Variants in PBX1 observed in about 807,000 individuals in gnomAD.
PBX1 encodes PBX homeobox 1, also known as pre-B-cell leukemia transcription factor 1.
Under a neutral mutation model 53.4 loss-of-function variants are expected in PBX1, and 6 were observed. The ratio of observed to expected loss-of-function variants is 0.11; its 90% CI spans 0.06 to 0.22. PBX1 has a LOEUF of 0.22. Ranked by LOEUF, PBX1 falls within the 10% of genes least tolerant of loss-of-function variation. The pLI, the probability that PBX1 is intolerant of heterozygous loss-of-function variation, is 1.00. For synonymous variants in PBX1, 204 were observed against 212.3 expected (o/e 0.96, Z 0.34); for missense variants, 251 against 551.4 (o/e 0.46, Z 5.46).
At chr1:164,580,074 A>G (rs1442840726) in intron 2 of PBX1, among the ~76,000 whole-genome samples, 1 of 152,172 alleles carries the variant, frequency 6.6e-6, no homozygotes, top group Admixed American at 6.5e-5. Flanking sequence ...TTCCAAGGAA[A>G]TCCAGTGGAA....
At chr1:164,737,571 C>T (rs995857160) in intron 2 of PBX1, among the ~76,000 whole-genome samples, 11 of 151,922 alleles carry the variant, frequency 7.2e-5, no homozygotes, top group East Asian at 1.9e-4. Context: ...CTCTGCCTTC[C>T]GGGTTCAAGA....
rs540502244 is a variant in PBX1, at chr1:164,649,412, G to C, written c.265+86101G>C. Among the ~76,000 whole-genome samples the C allele has an allele frequency of 2.0e-5, 3 of 152,254 alleles. No homozygotes were observed. In the East Asian group the frequency reaches 5.8e-4, roughly 29 times the overall value. ...ATTTTCGAATGTAGAGAATACTTTT[G>C]TTGGGAGTCTCTAAACCTTAAACCC... On this transcript the variant is annotated intron_variant, in intron 2 of 8. Transcript: ENST00000420696.
chr1:164,761,366 C>A (rs542750122), intron 2 of PBX1, among the ~76,000 whole-genome samples: 1 of 152,152 alleles, frequency 6.6e-6, no homozygotes, highest in Non-Finnish European at 1.5e-5. Context: ...TGTGTACACA[C>A]ATGCCAAAAG....
At position 164,851,111 on chromosome 1, in the gene PBX1, G is replaced by T. The variant is rs1230947481; in HGVS notation, c.*4435G>T. The T allele has an allele frequency of 4.5e-6, 1 of 221,660 alleles. No individual in the cohort carries two copies. Among genetic ancestry groups the T allele is most frequent in the African/African-American group, 2.2e-5 (1 of 44,684 alleles). 13.7% of individuals were successfully genotyped at this position (221,660 alleles called of 1,614,324 possible). ...TGTAGTTTTAATGCTAAGAGGTTACGTTTACTTCACAGAGTACACCTCTTA... is the reference window on the plus strand; with the variant it reads ...TGTAGTTTTAATGCTAAGAGGTTACTTTTACTTCACAGAGTACACCTCTTA... On this transcript the variant is annotated 3_prime_UTR_variant, in exon 9 of 9. Coordinates refer to ENST00000420696, the MANE Select transcript of PBX1 (RefSeq NM_002585.4).
intron 2 of PBX1, among the ~76,000 whole-genome samples, chr1:164,681,686 G>A (rs759466570): frequency 1.3e-5 from 2 of 152,158 alleles, no homozygotes; most frequent in African/African-American, 4.8e-5. Context: ...AGAGTGGAGC[G>A]TGGAAGAGGA....
chr1:164,700,781 A>G (rs1663073369), intron 2 of PBX1: 2 of 965,274 alleles, frequency 2.1e-6, no homozygotes, highest in Non-Finnish European at 2.5e-6. Flanking sequence ...TTGGGTTTCT[A>G]TGACTTTTTT....
At chr1:164,749,938 A>G (rs904204671) in intron 2 of PBX1, among the ~76,000 whole-genome samples, 6 of 152,116 alleles carry the variant, frequency 3.9e-5, no homozygotes, top group African/African-American at 1.4e-4. Flanking sequence ...TGTCTCTACA[A>G]AAATAAAGTA....
intron 2 of PBX1, among the ~76,000 whole-genome samples, chr1:164,869,893 A>C (rs1028261151): frequency 3.3e-5 from 5 of 152,166 alleles, no homozygotes; most frequent in Admixed American, 3.3e-4. Context: ...AGCACATTCA[A>C]AGGTCCTGGG....
intron 2 of PBX1, among the ~76,000 whole-genome samples, chr1:164,746,533 C>T (rs758699572): frequency 2.0e-5 from 3 of 152,076 alleles, no homozygotes; most frequent in Non-Finnish European, 4.4e-5. Flanking sequence ...TGTGCCACCA[C>T]GCCCGGCTAA....
intron 2 of PBX1, among the ~76,000 whole-genome samples, chr1:164,874,889 G>A (rs2102458653): frequency 6.6e-6 from 1 of 152,260 alleles, no homozygotes; most frequent in South Asian, 2.1e-4. Flanking sequence ...ATTGTAGGTA[G>A]GAAAATGACG....
intron 2 of PBX1, among the ~76,000 whole-genome samples, chr1:164,606,465 G>A (rs1054474953): frequency 1.3e-5 from 2 of 152,152 alleles, no homozygotes; most frequent in African/African-American, 4.8e-5. Flanking sequence ...CCTGGGAGGC[G>A]GAGGTTGCAG....
intron 2 of PBX1, among the ~76,000 whole-genome samples, chr1:164,579,956 T>C (rs1048941182): frequency 1.3e-5 from 2 of 152,176 alleles, no homozygotes; most frequent in Admixed American, 6.5e-5. Context: ...ACATAGCTAA[T>C]GAGAGAGAGG....
intron 2 of PBX1, among the ~76,000 whole-genome samples, chr1:164,745,157 G>A (rs1665827310): frequency 1.3e-5 from 2 of 152,066 alleles, no homozygotes; most frequent in Non-Finnish European, 2.9e-5. Flanking sequence ...GCCTCTCCAA[G>A]GAAAAATAGC....
At chr1:164,661,150 A>G (rs1660464106) in intron 2 of PBX1, among the ~76,000 whole-genome samples, 1 of 152,222 alleles carries the variant, frequency 6.6e-6, no homozygotes, top group Admixed American at 6.5e-5. Context: ...ACTCTTCTTT[A>G]TTTGACTGTG....
intron 1 of PBX1, chr1:164,560,487 C>T (rs1652959200): frequency 6.9e-6 from 2 of 291,414 alleles, no homozygotes; most frequent in Admixed American, 1.0e-4. Context: ...TTACCTAATT[C>T]AGCGAGTTTG....
chr1:164,821,813 C>T (rs1378202456), intron 8 of PBX1, among the ~76,000 whole-genome samples, 187 bp downstream of exon 8: 2 of 152,098 alleles, frequency 1.3e-5, no homozygotes, highest in African/African-American at 4.8e-5. Context: ...GGCGATTGGG[C>T]AGGCTTCATG....
intron 2 of PBX1, among the ~76,000 whole-genome samples, chr1:164,628,860 A>G (rs757371216): frequency 3.7e-4 from 56 of 152,196 alleles, no homozygotes; most frequent in Non-Finnish European, 4.4e-4. Flanking sequence ...AAGGCTTTAC[A>G]GCACCCCTTA....
intron 2 of PBX1, among the ~76,000 whole-genome samples, chr1:164,574,192 C>T (rs1654066236): frequency 6.6e-6 from 1 of 152,166 alleles, no homozygotes; most frequent in Non-Finnish European, 1.5e-5. Context: ...TTCTCCTTAA[C>T]AAAATCTTAA....
At position 164,559,732 on chromosome 1, in the gene PBX1, C is replaced by T; in HGVS notation, c.-91C>T. 1.1e-6 allele frequency: 1 copy of T among 914,494 alleles called. No homozygotes were observed. Among genetic ancestry groups the T allele is most frequent in the Non-Finnish European group, 1.6e-6 (1 of 640,326 alleles). 56.6% of individuals were successfully genotyped at this position (914,494 alleles called of 1,614,324 possible). A position where few individuals can be genotyped will look rare whatever the true frequency, so the allele number is the denominator to read the frequency against. ...GTTTATCCTGAAAAGGATTTGAAGA[C>T]AAGCTTGAAGGATAAAAAGCCTTGG... On this transcript the variant is annotated 5_prime_UTR_variant, in exon 1 of 9. Transcript: ENST00000420696.
Sources: allele counts gnomAD v4.1 joint callset (sites outside exome capture counted in the v4.1 genomes callset), GRCh38; gene constraint gnomAD v4.1.1; transcripts MANE v1.5; gene names NCBI Gene and HGNC (gene_info 2026-07-23, HGNC 2026-07-21).